Variants in PARD3B observed in about 807,000 individuals in gnomAD.
The protein encoded by PARD3B is par-3 family cell polarity regulator beta, also known as partitioning defective 3 homolog B.
In PARD3B, 103 loss-of-function variants were observed where a neutral mutation model predicts 130.2. The observed-to-expected ratio is 0.79, with a 90% CI of 0.67 to 0.93. The LOEUF (loss-of-function observed/expected upper bound fraction) is 0.93. Among genes scored for constraint, PARD3B ranks in the 40% least tolerant of loss-of-function variants. The pLI, the probability that PARD3B is intolerant of heterozygous loss-of-function variation, is 0.00. For missense variants in PARD3B, 1,609 were observed against 1,499.2 expected (o/e 1.07, Z -1.21); for synonymous variants, 583 against 553.2 (o/e 1.05, Z -0.76).
At chr2:205,579,096 T>C (rs1184731843) in intron 22 of PARD3B, among the ~76,000 whole-genome samples, 1 of 152,240 alleles carries the variant, frequency 6.6e-6, no homozygotes, top group Non-Finnish European at 1.5e-5. Flanking sequence ...TTTTTGAAGC[T>C]GTAAGAAAAT....
At chr2:205,225,164 T>C (rs936300395) in intron 15 of PARD3B, among the ~76,000 whole-genome samples, 5 of 152,014 alleles carry the variant, frequency 3.3e-5, no homozygotes, top group African/African-American at 9.7e-5. Context: ...CTATATTGAG[T>C]TTTTTAAGGA....
intron 19 of PARD3B, among the ~76,000 whole-genome samples, chr2:205,404,712 G>A (rs1440595425): frequency 4.0e-5 from 6 of 151,214 alleles, no homozygotes; most frequent in Admixed American, 6.6e-5. Flanking sequence ...AAGGTCTCGC[G>A]CTACGTTGTA....
intron 3 of PARD3B, among the ~76,000 whole-genome samples, chr2:204,985,732 G>A (rs1200451040): frequency 2.0e-5 from 3 of 152,130 alleles, no homozygotes; most frequent in Non-Finnish European, 2.9e-5. Context: ...TTCATATGGG[G>A]GGAAGATCTG....
chr2:205,004,953 G>A (rs1695134866), intron 3 of PARD3B, among the ~76,000 whole-genome samples: 1 of 152,130 alleles, frequency 6.6e-6, no homozygotes, highest in Non-Finnish European at 1.5e-5. Context: ...TTTCTGTTGA[G>A]AATTAGTAGG....
At chr2:204,883,402 A>AT (rs1470511919) in intron 2 of PARD3B, among the ~76,000 whole-genome samples, 8 of 129,064 alleles carry the variant, frequency 6.2e-5, no homozygotes, top group African/African-American at 2.2e-4. Context: ...ATGTATATAT[A>AT]TATTATATAT....
chr2:205,351,957 C>A lies in PARD3B; in HGVS notation c.2631-49056C>A, dbSNP rs1287391702. Among the ~76,000 whole-genome samples the A allele has an allele frequency of 6.6e-6, 1 of 152,120 alleles. No individual in the cohort carries two copies. Among genetic ancestry groups the A allele is most frequent in the Non-Finnish European group, 1.5e-5 (1 of 68,034 alleles). On this transcript the variant is annotated intron_variant, in intron 18 of 22. Transcript: ENST00000406610. This position sits in a 1 kb window ranked among gnomAD's most constrained non-coding sequence, Gnocchi z 4.2. ...ACGCGTATTGCTGAGGAAACACAACCAACACCCACTGTTTCAAAGAAAACC... is the reference window on the plus strand; with the variant it reads ...ACGCGTATTGCTGAGGAAACACAACAAACACCCACTGTTTCAAAGAAAACC...
rs1433600244 is a variant in PARD3B, at chr2:205,301,814, T to C, written c.2630+113T>C. On this transcript the variant is annotated intron_variant, in intron 18 of 22. Transcript: ENST00000406610. The surrounding 1 kb of genome is among the most constrained non-coding windows in gnomAD (Gnocchi z 5.2). ...ACGCTTTTCCTCGTCTTCAGCCAAA[T>C]GCATACGGCTCTCAATTCTGTGCTC... 6.7e-7 allele frequency: 1 copy of C among 1,498,606 alleles called. No homozygotes were observed. The highest frequency in any genetic ancestry group is 1.4e-5 in the African/African-American group (1 of 72,520). The allele number at this position is 1,498,606 out of a possible 1,614,324, so 92.8% of individuals were successfully genotyped here.
At chr2:205,452,501 A>G (rs1055821221) in intron 20 of PARD3B, among the ~76,000 whole-genome samples, 4 of 152,226 alleles carry the variant, frequency 2.6e-5, no homozygotes, top group African/African-American at 9.6e-5. Context: ...TAACTCATCA[A>G]TTGAACAAAG....
intron 2 of PARD3B, among the ~76,000 whole-genome samples, chr2:204,936,794 G>A (rs1001556034): frequency 6.6e-6 from 1 of 152,138 alleles, no homozygotes; most frequent in African/African-American, 2.4e-5. Context: ...TTATCAGAAA[G>A]GTACATAAAT....
intron 10 of PARD3B, among the ~76,000 whole-genome samples, chr2:205,129,399 G>A (rs141717327): frequency 9.8e-5 from 15 of 152,310 alleles, no homozygotes; most frequent in East Asian, 1.9e-4. Flanking sequence ...GGCATACACC[G>A]GCCTGTTTGA....
intron 1 of PARD3B, among the ~76,000 whole-genome samples, chr2:204,577,099 A>G (rs571565167): frequency 1.8e-4 from 28 of 152,346 alleles, no homozygotes; most frequent in African/African-American, 6.7e-4. Flanking sequence ...ACTCTACCAG[A>G]GAAATCAAAA....
intron 20 of PARD3B, among the ~76,000 whole-genome samples, chr2:205,474,783 A>AT (rs1052035249): frequency 1.3e-5 from 2 of 152,132 alleles, no homozygotes; most frequent in African/African-American, 4.8e-5. Flanking sequence ...ATTTCACCCC[A>AT]TTCCTGACAA....
At chr2:204,737,763 A>G (rs1474200697) in intron 2 of PARD3B, among the ~76,000 whole-genome samples, 2 of 152,192 alleles carry the variant, frequency 1.3e-5, no homozygotes, top group African/African-American at 4.8e-5. Context: ...GAAGTGAGAT[A>G]TAGGTATCCA....
intron 16 of PARD3B, among the ~76,000 whole-genome samples, chr2:205,279,990 A>G (rs563992497): frequency 1.3e-5 from 2 of 152,336 alleles, no homozygotes; most frequent in East Asian, 1.9e-4. Flanking sequence ...TTTTCATTCC[A>G]GAGTCATACT....
At chr2:205,490,066 G>A (rs1210641236) in intron 20 of PARD3B, among the ~76,000 whole-genome samples, 1 of 152,250 alleles carries the variant, frequency 6.6e-6, no homozygotes, top group East Asian at 1.9e-4. Context: ...TGGTGTGTGT[G>A]AAAGAGCTTA....
At chr2:205,500,146 C>T in intron 21 of PARD3B, 115 bp downstream of exon 21, 1 of 1,223,776 alleles carries the variant, frequency 8.2e-7, no homozygotes, top group Non-Finnish European at 1.1e-6. Context: ...GTTTCTTGGG[C>T]TTCATAGACA....
chr2:204,735,782 A>G (rs1389781900), intron 2 of PARD3B, among the ~76,000 whole-genome samples: 9 of 152,102 alleles, frequency 5.9e-5, no homozygotes, highest in Admixed American at 5.9e-4. Flanking sequence ...TTCATAGGGG[A>G]AGCATGGTGT....
rs2035505186 is a variant in PARD3B, at chr2:205,176,914, ATAAC to A, written c.1924+340_1924+343del. 1.3e-5 allele frequency among the ~76,000 whole-genome samples: 2 copies of A among 152,354 alleles called. No individual in the cohort carries two copies. The highest frequency in any genetic ancestry group is 2.1e-4 in the South Asian group (1 of 4,832). On this transcript the variant is annotated intron_variant, in intron 13 of 22. Coordinates refer to ENST00000406610, the MANE Select transcript of PARD3B (RefSeq NM_001302769.2). This position sits in a 1 kb window ranked among gnomAD's most constrained non-coding sequence, Gnocchi z 5.3. The stretch of plus-strand genomic sequence containing the variant: ...ACTGGAAGTTACCAAGTATAAATAA[ATAAC>A]TACCAAAATTTAAAAATGTATGGAT...
chr2:205,079,314 C>T (rs752899099), intron 4 of PARD3B, among the ~76,000 whole-genome samples: 8 of 152,072 alleles, frequency 5.3e-5, no homozygotes, highest in African/African-American at 9.7e-5. Flanking sequence ...GCAAAATACC[C>T]GAGACTAGGT....
Sources: gnomAD v4.1 joint callset for allele counts (sites outside exome capture counted in the v4.1 genomes callset) on GRCh38, gnomAD v4.1.1 for gene constraint, Gnocchi (gnomAD v3.1) non-coding constraint, MANE v1.5 for transcripts, NCBI Gene and HGNC (gene_info 2026-07-23, HGNC 2026-07-21) for gene names.